The following DYM variants were observed in gnomAD, a reference collection of about 807,000 sequenced individuals.
The protein encoded by DYM is dymeclin, also known as dyggve-Melchior-Clausen syndrome protein.
DYM carries 78 observed loss-of-function variants against 93.1 expected under a neutral mutation model. The observed-to-expected ratio is 0.84, with a 90% CI of 0.70 to 1.01. The LOEUF (loss-of-function observed/expected upper bound fraction) is 1.01, where lower values mean the gene tolerates loss of function less well. Among genes scored for constraint, DYM ranks in the 50% least tolerant of loss-of-function variants. The pLI is 0.00. For synonymous variants in DYM, 321 were observed against 319.7 expected, an observed-to-expected ratio of 1.00 and a Z score of -0.04; for missense variants, 789 against 845.0, an observed-to-expected ratio of 0.93 and a Z score of 0.82.
intron 16 of DYM, among the ~76,000 whole-genome samples, chr18:49,102,603 T>TC (rs1344005698): frequency 6.6e-6 from 1 of 152,150 alleles, no homozygotes; most frequent in Admixed American, 6.5e-5. Context: ...TGTGTGACGT[T>TC]CCCCTTCCTG....
intron 5 of DYM, among the ~76,000 whole-genome samples, chr18:49,370,958 T>G (rs886489515): frequency 6.6e-6 from 1 of 152,128 alleles, no homozygotes; most frequent in Non-Finnish European, 1.5e-5. Flanking sequence ...AGCAAATAAA[T>G]GGACTTGAAT....
intron 5 of DYM, among the ~76,000 whole-genome samples, chr18:49,376,327 G>A (rs1020800778): frequency 6.6e-6 from 1 of 152,160 alleles, no homozygotes; most frequent in Non-Finnish European, 1.5e-5. Flanking sequence ...AATTCAGTAT[G>A]CTCTCAAGGA....
At chr18:49,273,916 T>C (rs554058572) in intron 10 of DYM, among the ~76,000 whole-genome samples, 1 of 147,302 alleles carries the variant, frequency 6.8e-6, no homozygotes, top group African/African-American at 2.5e-5. Flanking sequence ...CACAAGCAAA[T>C]GGTATATTCA....
At chr18:49,264,170 A>G (rs1254474934) in intron 11 of DYM, among the ~76,000 whole-genome samples, 2 of 151,262 alleles carry the variant, frequency 1.3e-5, no homozygotes, top group Non-Finnish European at 2.9e-5. Flanking sequence ...GCTGCTTTAC[A>G]ATATTTCATT....
At chr18:49,378,987 C>T (rs918192114) in intron 4 of DYM, among the ~76,000 whole-genome samples, 1 of 151,876 alleles carries the variant, frequency 6.6e-6, no homozygotes, top group Admixed American at 6.6e-5. Context: ...AGGTATACCA[C>T]GTACATGCGA....
intron 10 of DYM, among the ~76,000 whole-genome samples, chr18:49,273,620 T>C (rs1216092562): frequency 1.3e-5 from 2 of 152,152 alleles, no homozygotes; most frequent in Admixed American, 1.3e-4. Flanking sequence ...CAGTATTTAG[T>C]ACGGTAACAT....
At chr18:49,261,845 A>T (rs752062875) in intron 11 of DYM, among the ~76,000 whole-genome samples, 1 of 152,280 alleles carries the variant, frequency 6.6e-6, no homozygotes, top group African/African-American at 2.4e-5. Context: ...AACAAACACT[A>T]TCTTGAGTTT....
chr18:49,141,157 A>G lies in DYM; in HGVS notation c.1729-22231T>C, dbSNP rs117597092. ...TTCATCAATTGCCATGACTCCGAAC[A>G]TTTTATTTATGCTGATGTCACCTAT... On this transcript the variant is annotated intron_variant, in intron 15 of 17. Coordinates refer to ENST00000675505, the MANE Select transcript of DYM (RefSeq NM_001353214.3). 1.5e-3 allele frequency among the ~76,000 whole-genome samples: 230 copies of G among 152,200 alleles called. 1 individual carries two copies. Among genetic ancestry groups the G allele is most frequent in the Non-Finnish European group, 2.1e-3 (146 of 68,006 alleles).
chr18:49,089,738 C>G (rs2078871427), intron 17 of DYM, among the ~76,000 whole-genome samples: 1 of 152,160 alleles, frequency 6.6e-6, no homozygotes, highest in Admixed American at 6.5e-5. Flanking sequence ...GGTGACTGTT[C>G]ATTAATTAAG....
chr18:49,187,186 G>C (rs977084595), intron 14 of DYM, among the ~76,000 whole-genome samples: 24 of 152,204 alleles, frequency 1.6e-4, no homozygotes, highest in African/African-American at 5.3e-4. Context: ...CCAAAGTGCT[G>C]GCATTACAGG....
chr18:49,188,024 AT>A (rs1265178900), intron 14 of DYM, among the ~76,000 whole-genome samples: 4 of 152,240 alleles, frequency 2.6e-5, no homozygotes, highest in African/African-American at 9.6e-5. Flanking sequence ...CACTACTCAA[AT>A]AAGGATATAC....
intron 17 of DYM, among the ~76,000 whole-genome samples, chr18:49,057,244 A>G (rs1221573862): frequency 6.6e-6 from 1 of 152,206 alleles, no homozygotes; most frequent in East Asian, 1.9e-4. Context: ...CATGGGCAGG[A>G]TAGAGGGAAA....
rs891808054 is a variant in DYM at position 49,042,524 on chromosome 18, G to C, written c.*1531C>G. On this transcript the variant is annotated 3_prime_UTR_variant, in exon 18 of 18. Transcript: ENST00000675505. ...TACAGAGCTTGGGGTGACTGAGAAT[G>C]GTTCCTCCGAGGCCCTCGGAAGATT... is the stretch of plus-strand genomic sequence containing the variant. 6.6e-5 allele frequency: 10 copies of C among 152,294 alleles called. No individual in the cohort carries two copies. Among genetic ancestry groups the C allele is most frequent in the African/African-American group, 2.4e-4 (10 of 41,446 alleles). 9.4% of individuals were successfully genotyped at this position (152,294 alleles called of 1,614,324 possible).
chr18:49,178,816 C>A (rs896352231), intron 14 of DYM, among the ~76,000 whole-genome samples: 2 of 152,050 alleles, frequency 1.3e-5, no homozygotes, highest in African/African-American at 4.8e-5. Context: ...CCACCATCTC[C>A]AGATAATATT....
intron 13 of DYM, among the ~76,000 whole-genome samples, chr18:49,240,203 G>A (rs894858380): frequency 2.0e-5 from 3 of 152,138 alleles, no homozygotes; most frequent in African/African-American, 7.2e-5. Flanking sequence ...CTGTAATACA[G>A]ACATGCTCAC....
At position 49,347,701 on chromosome 18, in the gene DYM, T is replaced by A. The variant is rs2064719383; in HGVS notation, c.495-13848A>T. Among the ~76,000 whole-genome samples the A allele has an allele frequency of 2.0e-5, 3 of 152,210 alleles. No homozygotes were observed. In the South Asian group the frequency reaches 6.2e-4, roughly 32 times the overall value. ...ATTCAAAAGCAATGTTACATTTCTG[T>A]GAAGACAAAATTAAAAATATATTAA... On this transcript the variant is annotated intron_variant, in intron 6 of 17. Coordinates refer to ENST00000675505, the MANE Select transcript of DYM (RefSeq NM_001353214.3).
At chr18:49,200,395 A>C (rs1302970824) in intron 14 of DYM, among the ~76,000 whole-genome samples, 2 of 151,926 alleles carry the variant, frequency 1.3e-5, no homozygotes, top group African/African-American at 4.8e-5. Context: ...GCAGTATATA[A>C]TTTTATATTT....
intron 1 of DYM, among the ~76,000 whole-genome samples, chr18:49,445,666 G>C (rs1376796568): frequency 6.6e-6 from 1 of 152,088 alleles, no homozygotes; most frequent in Non-Finnish European, 1.5e-5. Flanking sequence ...AGGCATGGTG[G>C]GGATCTGAGA....
At chr18:49,359,276 C>T (rs35834567) in intron 6 of DYM, among the ~76,000 whole-genome samples, 22,114 of 152,126 alleles carry the variant, frequency 0.15, 2,130 homozygotes, top group East Asian at 0.31. Context: ...CGATCCAATA[C>T]ACACTGAAAA....
Sources: gnomAD v4.1 joint callset for allele counts (sites outside exome capture counted in the v4.1 genomes callset) on GRCh38, gnomAD v4.1.1 for gene constraint, MANE v1.5 for transcripts, NCBI Gene and HGNC (gene_info 2026-07-23, HGNC 2026-07-21) for gene names.